PDE4B: variants seen among roughly 807,000 people sequenced by gnomAD.
The protein encoded by PDE4B is 3',5'-cyclic-AMP phosphodiesterase 4B.
A neutral mutation model predicts 82.2 loss-of-function variants in PDE4B; 20 were observed. The ratio of observed to expected loss-of-function variants is 0.24; its 90% CI spans 0.17 to 0.35. The LOEUF (loss-of-function observed/expected upper bound fraction) is 0.35. PDE4B is among the 10% of genes least tolerant of loss of function. PDE4B has a pLI of 1.00. For synonymous variants in PDE4B, 320 were observed against 318.9 expected (o/e 1.00, Z -0.04); for missense variants, 655 against 907.2 (o/e 0.72, Z 3.57).
intron 16 of PDE4B, among the ~76,000 whole-genome samples, chr1:66,370,079 A>C (rs1663568964): frequency 1.4e-5 from 2 of 139,284 alleles, no homozygotes; most frequent in African/African-American, 2.7e-5. Context: ...TGAACCCAGG[A>C]GGCGGACGTT....
At chr1:66,314,229 C>G (rs571743455) in intron 7 of PDE4B, among the ~76,000 whole-genome samples, 1 of 152,160 alleles carries the variant, frequency 6.6e-6, no homozygotes, top group Non-Finnish European at 1.5e-5. Context: ...GTTCCCAACT[C>G]TAGCTACTTC....
intron 3 of PDE4B, among the ~76,000 whole-genome samples, chr1:66,200,953 G>A (rs1331878835): frequency 6.6e-6 from 1 of 152,074 alleles, no homozygotes; most frequent in East Asian, 1.9e-4. Flanking sequence ...TCCAGTTTTT[G>A]CCCATTCAGT....
intron 7 of PDE4B, among the ~76,000 whole-genome samples, chr1:66,310,044 G>A (rs1265645573): frequency 6.6e-6 from 1 of 152,030 alleles, no homozygotes; most frequent in Non-Finnish European, 1.5e-5. Flanking sequence ...GTGGCCTCTG[G>A]GCACCTACAA....
intron 3 of PDE4B, among the ~76,000 whole-genome samples, chr1:66,014,770 G>T (rs1444499061): frequency 6.6e-6 from 1 of 152,118 alleles, no homozygotes; most frequent in Non-Finnish European, 1.5e-5. Context: ...GGGAGTGGGG[G>T]TAGCAGTTGT....
intron 3 of PDE4B, among the ~76,000 whole-genome samples, chr1:65,963,949 A>G (rs1649674847): frequency 6.6e-6 from 1 of 152,134 alleles, no homozygotes; most frequent in African/African-American, 2.4e-5. Flanking sequence ...AAAAATCTTT[A>G]TACATTTGCA....
chr1:66,292,031 C>T (rs12032433), intron 7 of PDE4B, among the ~76,000 whole-genome samples: 6,038 of 152,156 alleles, frequency 0.04, 294 homozygotes, highest in East Asian at 0.25. Context: ...TAAGATTGAA[C>T]ATGAGATGTT....
At chr1:66,009,946 T>C (rs1652386004) in intron 3 of PDE4B, among the ~76,000 whole-genome samples, 1 of 147,318 alleles carries the variant, frequency 6.8e-6, no homozygotes, top group African/African-American at 2.6e-5. Context: ...TCTATCTATC[T>C]ATCTATCATC....
chr1:65,976,401 T>A (rs2100640563), intron 3 of PDE4B, among the ~76,000 whole-genome samples: 1 of 152,342 alleles, frequency 6.6e-6, no homozygotes, highest in Non-Finnish European at 1.5e-5. Context: ...TTTTACAGGC[T>A]TATAGGCAGA....
intron 16 of PDE4B, among the ~76,000 whole-genome samples, chr1:66,371,945 A>G (rs1401283661): frequency 2.0e-5 from 3 of 152,218 alleles, no homozygotes; most frequent in East Asian, 1.9e-4. Flanking sequence ...TCTGGCGCAC[A>G]TAAAAGGAAA....
intron 3 of PDE4B, among the ~76,000 whole-genome samples, chr1:66,188,585 T>C (rs997955227): frequency 7.9e-5 from 12 of 151,744 alleles, no homozygotes; most frequent in African/African-American, 2.9e-4. Flanking sequence ...TTTACCATTA[T>C]GTAATGGCCT....
chr1:66,072,576 T>G (rs1352397071), intron 3 of PDE4B, among the ~76,000 whole-genome samples: 1 of 151,976 alleles, frequency 6.6e-6, no homozygotes, highest in African/African-American at 2.4e-5. Flanking sequence ...TGTTAAAGAG[T>G]GACTATGGCT....
intron 7 of PDE4B, among the ~76,000 whole-genome samples, chr1:66,289,223 G>T (rs1656896344): frequency 6.6e-6 from 1 of 152,114 alleles, no homozygotes; most frequent in African/African-American, 2.4e-5. Context: ...AGCCATGATG[G>T]TGTCTCTGCT....
At chr1:66,303,361 A>G (rs983410590) in intron 7 of PDE4B, among the ~76,000 whole-genome samples, 2 of 151,650 alleles carry the variant, frequency 1.3e-5, no homozygotes, top group Admixed American at 1.3e-4. Context: ...GTGTATATAT[A>G]TATATATATA....
At chr1:65,825,724 A>ATCTATCTG (rs1557766135) in intron 1 of PDE4B, among the ~76,000 whole-genome samples, 1 of 151,114 alleles carries the variant, frequency 6.6e-6, no homozygotes, top group East Asian at 1.9e-4. Context: ...CTATCTATCT[A>ATCTATCTG]TCTATCTATC....
At chr1:65,928,098 C>G (rs1647609193) in intron 3 of PDE4B, among the ~76,000 whole-genome samples, 1 of 152,146 alleles carries the variant, frequency 6.6e-6, no homozygotes, top group East Asian at 1.9e-4. Context: ...GGCAGGTACC[C>G]TGGTAAAAGG....
rs920652126 is a variant in PDE4B at position 65,815,097 on chromosome 1, G to T, written c.-71+21849G>T. 2.0e-5 allele frequency among the ~76,000 whole-genome samples: 3 copies of T among 149,734 alleles called. No homozygotes were observed. In the East Asian group the frequency reaches 5.8e-4, roughly 29 times the overall value. On this transcript the variant is annotated intron_variant, in intron 1 of 16. Transcript: ENST00000341517. Reference sequence around the variant, plus strand: ...TTATACTTTAAGTTTTACGGTACACGTGCACAATGTGCAGGTTAGTTACAT... The same window carrying T: ...TTATACTTTAAGTTTTACGGTACACTTGCACAATGTGCAGGTTAGTTACAT...
intron 8 of PDE4B, among the ~76,000 whole-genome samples, chr1:66,334,859 C>A (rs144840611): frequency 2.6e-5 from 4 of 152,152 alleles, no homozygotes. Flanking sequence ...GTAATCCCAG[C>A]ACTTTGGGAG....
intron 8 of PDE4B, among the ~76,000 whole-genome samples, chr1:66,347,546 T>G (rs1475792686): frequency 6.6e-6 from 1 of 152,166 alleles, no homozygotes; most frequent in Admixed American, 6.5e-5. Context: ...TCCAAAGCTT[T>G]CTTTTATTTT....
intron 3 of PDE4B, among the ~76,000 whole-genome samples, chr1:65,958,437 C>T (rs910812635): frequency 2.0e-5 from 3 of 151,458 alleles, no homozygotes; most frequent in African/African-American, 7.3e-5. Flanking sequence ...ATTTTTTTCC[C>T]ACATTGTGGT....
Sources: allele counts gnomAD v4.1 joint callset (sites outside exome capture counted in the v4.1 genomes callset), GRCh38; gene constraint gnomAD v4.1.1; transcripts MANE v1.5; gene names NCBI Gene and HGNC (gene_info 2026-07-23, HGNC 2026-07-21).